Variants in KSR2 observed in about 807,000 individuals in gnomAD.
The protein encoded by KSR2 is kinase suppressor of ras 2.
Under a neutral mutation model 107.8 loss-of-function variants are expected in KSR2, and 25 were observed. The observed-to-expected ratio is 0.23, with a 90% CI of 0.17 to 0.32. The LOEUF (loss-of-function observed/expected upper bound fraction) is 0.32, where lower values mean the gene tolerates loss of function less well. KSR2 is among the 10% of genes least tolerant of loss of function. The probability of loss-of-function intolerance (pLI) is 1.00; values close to 1 mark genes in which losing one functional copy is unlikely to be tolerated. For synonymous variants in KSR2, 480 were observed against 507.0 expected (o/e 0.95, Z 0.71); for missense variants, 887 against 1,268.9 (o/e 0.70, Z 4.57).
intron 1 of KSR2, among the ~76,000 whole-genome samples, chr12:117,902,670 C>T (rs944218066): frequency 3.3e-5 from 5 of 151,960 alleles, no homozygotes; most frequent in African/African-American, 1.2e-4. Context: ...GTGCAGCAAA[C>T]CACCATGGCA....
At chr12:117,556,848 T>C (rs1307095480) in intron 8 of KSR2, among the ~76,000 whole-genome samples, 1 of 152,134 alleles carries the variant, frequency 6.6e-6, no homozygotes, top group African/African-American at 2.4e-5. Flanking sequence ...CTTTAAAAGA[T>C]TTTAATAAAC....
At chr12:117,784,524 A>G (rs1269810447) in intron 3 of KSR2, among the ~76,000 whole-genome samples, 1 of 152,190 alleles carries the variant, frequency 6.6e-6, no homozygotes, top group African/African-American at 2.4e-5. Context: ...TAATTAGCAC[A>G]GTACCAAATA....
intron 5 of KSR2, among the ~76,000 whole-genome samples, chr12:117,584,111 GC>G (rs956655756): frequency 6.6e-6 from 1 of 152,142 alleles, no homozygotes; most frequent in East Asian, 1.9e-4. Flanking sequence ...GATTTTCCAA[GC>G]CCCAAAGGGC....
chr12:117,734,745 C>CATGGATGGATGGATGGATGGATGGATGG lies in KSR2; in HGVS notation c.986+26265_986+26266insCCATCCATCCATCCATCCATCCATCCAT, dbSNP rs1322322640. ...TGATGGATGGACGCATGCATGCATG[C>CATGGATGGATGGATGGATGGATGGATGG]ATGCATGCATGGATGGATGGATGGA... is the stretch of plus-strand genomic sequence containing the variant. On this transcript the variant is annotated intron_variant, in intron 4 of 19. Transcript: ENST00000339824. Among the ~76,000 whole-genome samples the CATGGATGGATGGATGGATGGATGGATGG allele has an allele frequency of 3.7e-4, 54 of 146,490 alleles. No individual in the cohort carries two copies. The East Asian group carries it at 6.4e-3, about 17-fold the overall frequency.
intron 9 of KSR2, among the ~76,000 whole-genome samples, chr12:117,552,767 A>C (rs1164921732): frequency 6.6e-6 from 1 of 152,192 alleles, no homozygotes; most frequent in African/African-American, 2.4e-5. Context: ...TCATAGCACA[A>C]AAGCAGCCAC....
intron 1 of KSR2, among the ~76,000 whole-genome samples, chr12:117,928,182 CT>C (rs35971412): frequency 0.45 from 62,613 of 140,440 alleles, 12,889 homozygotes; most frequent in East Asian, 0.56. Context: ...TCCTTCTTTC[CT>C]TTTTTTTTTT....
chr12:117,500,010 G>T (rs936659486), intron 14 of KSR2, among the ~76,000 whole-genome samples: 3 of 152,130 alleles, frequency 2.0e-5, no homozygotes, highest in Non-Finnish European at 2.9e-5. Context: ...GGATCTGTTG[G>T]TCAGGTCCGT....
intron 1 of KSR2, among the ~76,000 whole-genome samples, chr12:117,861,079 C>T (rs925686919): frequency 6.6e-6 from 1 of 152,156 alleles, no homozygotes; most frequent in Non-Finnish European, 1.5e-5. Flanking sequence ...GACACCCATC[C>T]TGTGCAGAAG....
chr12:117,578,841 G>A (rs1879458423), intron 7 of KSR2, among the ~76,000 whole-genome samples: 1 of 152,126 alleles, frequency 6.6e-6, no homozygotes. Context: ...CCAACCCCTG[G>A]CCTTAGATGT....
chr12:117,551,827 G>A (rs1877333293), intron 9 of KSR2, among the ~76,000 whole-genome samples: 1 of 152,144 alleles, frequency 6.6e-6, no homozygotes, highest in Non-Finnish European at 1.5e-5. Flanking sequence ...CTTAATAGAG[G>A]TTAATTTATT....
chr12:117,862,811 G>A (rs2137254864), intron 1 of KSR2, among the ~76,000 whole-genome samples: 1 of 147,226 alleles, frequency 6.8e-6, no homozygotes, highest in South Asian at 2.2e-4. Context: ...CTCACTGCAA[G>A]TTCCGCCTCC....
At chr12:117,909,944 G>T (rs1894965942) in intron 1 of KSR2, among the ~76,000 whole-genome samples, 1 of 151,724 alleles carries the variant, frequency 6.6e-6, no homozygotes, top group South Asian at 2.1e-4. Context: ...CAAGGCAAGG[G>T]CATGGTGGCA....
chr12:117,764,892 A>T (rs1021806351), intron 3 of KSR2, among the ~76,000 whole-genome samples: 64 of 152,370 alleles, frequency 4.2e-4, no homozygotes, highest in African/African-American at 1.5e-3. Flanking sequence ...CTCAGGGACT[A>T]CTATGAGGAT....
At position 117,897,952 on chromosome 12, in the gene KSR2, T is replaced by TAC. The variant is rs60502030; in HGVS notation, c.181-37523_181-37522dup. On this transcript the variant is annotated intron_variant, in intron 1 of 19. Coordinates refer to ENST00000339824, the MANE Select transcript of KSR2 (RefSeq NM_173598.6). The surrounding 1 kb of genome is among the most constrained non-coding windows in gnomAD (Gnocchi z 4.5). ...GTGTGTCTGTGTGCACTCATACACG[T>TAC]ACACACACACAGTCATATGGTATAC... is the stretch of plus-strand genomic sequence containing the variant. Among the ~76,000 whole-genome samples the TAC allele has an allele frequency of 0.15, 23,382 of 151,890 alleles. 2,341 individuals are homozygous for TAC. Among genetic ancestry groups the TAC allele is most frequent in the East Asian group, 0.49 (2,512 of 5,108 alleles).
intron 3 of KSR2, among the ~76,000 whole-genome samples, chr12:117,802,914 G>T (rs991925143): frequency 3.3e-5 from 5 of 152,214 alleles, no homozygotes; most frequent in Non-Finnish European, 5.9e-5. Flanking sequence ...GGAGTAATGG[G>T]ATTTTTCAGG....
chr12:117,682,935 G>T (rs1409566002), intron 4 of KSR2, among the ~76,000 whole-genome samples: 1 of 152,116 alleles, frequency 6.6e-6, no homozygotes, highest in African/African-American at 2.4e-5. Flanking sequence ...GGACTTGCCA[G>T]CAGTTTCAGT....
At chr12:117,883,746 G>A (rs954518140) in intron 1 of KSR2, among the ~76,000 whole-genome samples, 3 of 152,096 alleles carry the variant, frequency 2.0e-5, no homozygotes, top group Non-Finnish European at 2.9e-5. Flanking sequence ...TGTGGTGGCA[G>A]GCATCTGTAA....
chr12:117,757,563 C>T (rs1246260881), intron 4 of KSR2, among the ~76,000 whole-genome samples: 1 of 152,174 alleles, frequency 6.6e-6, no homozygotes, highest in Admixed American at 6.5e-5. Context: ...AAGGAAGAGT[C>T]TATCTATGTA....
chr12:117,570,280 G>A (rs1033580711), intron 7 of KSR2, among the ~76,000 whole-genome samples: 1 of 152,206 alleles, frequency 6.6e-6, no homozygotes, highest in Non-Finnish European at 1.5e-5. Flanking sequence ...GGGATTACAG[G>A]CTTGAGCCAT....
Sources: gnomAD v4.1 joint callset for allele counts (sites outside exome capture counted in the v4.1 genomes callset) on GRCh38, gnomAD v4.1.1 for gene constraint, Gnocchi (gnomAD v3.1) non-coding constraint, MANE v1.5 for transcripts, NCBI Gene and HGNC (gene_info 2026-07-23, HGNC 2026-07-21) for gene names.